VWF: variants seen among roughly 807,000 people sequenced by gnomAD.
VWF encodes the protein Factor VIII related antigen.
In VWF, 176 loss-of-function variants were observed where a neutral mutation model predicts 308.6. The ratio of observed to expected loss-of-function variants is 0.57; its 90% CI spans 0.50 to 0.65. The LOEUF (loss-of-function observed/expected upper bound fraction) is 0.65, where lower values mean the gene tolerates loss of function less well. VWF is among the 30% of genes least tolerant of loss of function. The pLI, the probability that VWF is intolerant of heterozygous loss-of-function variation, is 0.00. For synonymous variants in VWF, 1,385 were observed against 1,443.4 expected (o/e 0.96, Z 0.92); for missense variants, 3,146 against 3,648.2 (o/e 0.86, Z 3.55).
rs1944607154 is a variant in VWF, at chr12:6,057,908, C to T, written c.1670G>A (p.Gly557Glu). ...CTGCTTCTGCAGGTCCTGGCAGTCC[C>T]CGTGCAGCTTCCAGGCGTTCCCGAA... The part of the protein sequence containing the change: ...EDFGNAWKLH[G>E]DCQDLQKQHS... The change falls in exon 14 of 52, where the codon GGG becomes GAG. Residue 557 changes from glycine to glutamate, a missense_variant. By Grantham distance (98) the Gly-to-Glu change is moderately conservative. Transcript: ENST00000261405. 1 of 1,613,146 alleles carries T rather than the reference C, an allele frequency of 6.2e-7. No homozygotes were observed. Among genetic ancestry groups the T allele is most frequent in the African/African-American group, 1.3e-5 (1 of 74,916 alleles).
chr12:6,007,176 A>AG (rs1491122462), intron 34 of VWF, among the ~76,000 whole-genome samples: 2 of 152,206 alleles, frequency 1.3e-5, no homozygotes, highest in East Asian at 3.8e-4. Context: ...AAATCCAGAT[A>AG]GAAGATCAAT....
At chr12:5,991,208 C>CAT (rs1329245027) in intron 38 of VWF, among the ~76,000 whole-genome samples, 1 of 66,426 alleles carries the variant, frequency 1.5e-5, no homozygotes, top group African/African-American at 4.1e-5. Flanking sequence ...CACACACACG[C>CAT]ATGCACACAC....
chr12:6,075,626 G>A lies in VWF; in HGVS notation c.658-75C>T. 6.5e-7 allele frequency: 1 copy of A among 1,527,134 alleles called. No individual in the cohort carries two copies. 94.6% of individuals were successfully genotyped at this position (1,527,134 alleles called of 1,614,324 possible). Reference sequence around the variant, plus strand: ...GAGTGTGGCACTGAGACTTAGCCCTGCTAGGGAAACCAAGGCAGCTCCCTC... The same window carrying A: ...GAGTGTGGCACTGAGACTTAGCCCTACTAGGGAAACCAAGGCAGCTCCCTC... On this transcript the variant is annotated intron_variant, in intron 6 of 51. Coordinates refer to ENST00000261405, the MANE Select transcript of VWF (RefSeq NM_000552.5). This position sits in a 1 kb window ranked among gnomAD's most constrained non-coding sequence, Gnocchi z 4.7.
chr12:6,037,833 C>G (rs1483927460), intron 18 of VWF, among the ~76,000 whole-genome samples: 8 of 150,894 alleles, frequency 5.3e-5, no homozygotes, highest in Admixed American at 5.3e-4. Flanking sequence ...TCCCTGGGAA[C>G]AGGGCAATCT....
At chr12:6,062,900 G>T in intron 13 of VWF, 54 bp downstream of exon 13, 1 of 1,437,766 alleles carries the variant, frequency 7.0e-7, no homozygotes, top group Non-Finnish European at 9.7e-7. Flanking sequence ...GAGCACAAGG[G>T]GTACTTTGTA....
chr12:6,056,414 G>C (rs1944579155), intron 15 of VWF, among the ~76,000 whole-genome samples: 1 of 151,732 alleles, frequency 6.6e-6, no homozygotes, highest in South Asian at 2.1e-4. Context: ...TTGTCCATCG[G>C]TGGTTTGCCT....
At chr12:6,090,325 C>T (rs182036114) in intron 6 of VWF, among the ~76,000 whole-genome samples, 11 of 152,134 alleles carry the variant, frequency 7.2e-5, no homozygotes, top group African/African-American at 1.9e-4. Context: ...GTTCACAAAC[C>T]GCTCTAGAAG....
Position 6,106,605 on chromosome 12 carries a change from G to A in VWF, c.532+3769C>T, listed in dbSNP as rs60387660. 1.8e-3 allele frequency among the ~76,000 whole-genome samples: 279 copies of A among 152,196 alleles called. 3 individuals are homozygous for A. The highest frequency in any genetic ancestry group is 6.4e-3 in the African/African-American group (264 of 41,530). ...ATAATAAATTTTGGCCAGGCGCGGT[G>A]GCTCACGCCTGTAATCCCAGCACTT... is the stretch of plus-strand genomic sequence containing the variant. On this transcript the variant is annotated intron_variant, in intron 5 of 51. Transcript: ENST00000261405.
intron 2 of VWF, 169 bp downstream of exon 2, chr12:6,122,973 T>G: frequency 1.2e-6 from 1 of 836,106 alleles, no homozygotes; most frequent in Non-Finnish European, 2.1e-6. Context: ...GTCTCTGGAA[T>G]ACAAGTCAAG....
chr12:6,044,253 C>A lies in VWF; in HGVS notation c.2442+38G>T, dbSNP rs77372340. ...TCACTCATCCCTGCCTACAAGAAAA[C>A]TGAAGGGCAGGCACCAGCTCTGTGC... On this transcript the variant is annotated intron_variant, in intron 18 of 51. Transcript: ENST00000261405. 14,628 of 1,612,512 alleles carry A rather than the reference C, an allele frequency of 9.1e-3. 95 individuals carry two copies. The highest frequency in any genetic ancestry group is 0.015 in the South Asian group (1,397 of 91,028).
chr12:6,087,949 G>C (rs1944991443), intron 6 of VWF, among the ~76,000 whole-genome samples: 1 of 152,140 alleles, frequency 6.6e-6, no homozygotes, highest in African/African-American at 2.4e-5. Context: ...ATCGCCTTGA[G>C]GAGGTGATCC....
intron 34 of VWF, 83 bp from the exon 35 acceptor site, chr12:5,996,305 G>A (rs1813221785): frequency 8.0e-7 from 1 of 1,252,418 alleles, no homozygotes; most frequent in Non-Finnish European, 1.1e-6. Context: ...GTGTGACCAA[G>A]TTGCACACAG....
chr12:6,021,913 G>A lies in VWF; in HGVS notation c.3661C>T (p.His1221Tyr). ...KVTLNPSDPE[H>Y]CQICHCDVVN... The stretch of plus-strand genomic sequence containing the variant: ...AATCTGTTTTACCAAATCTGGCAGT[G>A]CTCAGGGTCACTGGGATTCAAGGTG... The change falls in exon 27 of 52, where the codon CAC becomes TAC. Residue 1221 changes from histidine (H) to tyrosine (Y), a missense_variant. Around this residue, in one of 3 missense-constraint regions of VWF, gnomAD observed 853 missense variants for 1,177.8 expected, o/e 0.72. Coordinates refer to ENST00000261405, the MANE Select transcript of VWF (RefSeq NM_000552.5). 1 of 1,614,180 alleles carries A rather than the reference G, an allele frequency of 6.2e-7. No individual in the cohort carries two copies. Among genetic ancestry groups the A allele is most frequent in the Non-Finnish European group, 8.5e-7 (1 of 1,180,036 alleles).
chr12:6,110,773 C>T (rs2136522559), intron 4 of VWF, 93 bp downstream of exon 4: 1 of 1,435,844 alleles, frequency 7.0e-7, no homozygotes, highest in East Asian at 2.3e-5. Context: ...CATTTGCTTC[C>T]ATTCTCTGGG....
At position 6,016,844 on chromosome 12, in the gene VWF, G is replaced by A. The variant is rs764555265; in HGVS notation, c.5080C>T (p.Leu1694Phe). 1 of 1,614,108 alleles carries A rather than the reference G, an allele frequency of 6.2e-7. No homozygotes were observed. Among genetic ancestry groups the A allele is most frequent in the South Asian group, 1.1e-5 (1 of 91,086 alleles). Residue 1694 changes from leucine (L) to phenylalanine (F), a missense_variant, in exon 29 of 52, where the codon CTT (leucine) becomes TTT (phenylalanine). Physicochemically the swap from Leu to Phe is conservative, Grantham distance 22. Transcript: ENST00000261405. ...PDCSQPLDVILLLDGSSSFPA... is the reference protein window; with the variant it reads ...PDCSQPLDVIFLLDGSSSFPA... ...AAACTGGAGGAGCCATCCAGGAGAAGGATCACGTCCAGGGGCTGGCTGCAG... is the reference window on the plus strand; with the variant it reads ...AAACTGGAGGAGCCATCCAGGAGAAAGATCACGTCCAGGGGCTGGCTGCAG...
intron 34 of VWF, among the ~76,000 whole-genome samples, chr12:6,005,700 G>A (rs1183285139): frequency 6.6e-6 from 1 of 152,204 alleles, no homozygotes; most frequent in Non-Finnish European, 1.5e-5. Flanking sequence ...TTGCAGGCCA[G>A]AAGGGAGATG....
chr12:6,038,294 G>A (rs1016017012), intron 18 of VWF, among the ~76,000 whole-genome samples: 19 of 152,190 alleles, frequency 1.2e-4, no homozygotes, highest in African/African-American at 4.6e-4. Context: ...GGTATCCCAC[G>A]GATGCCTTAC....
At chr12:6,059,292 G>T (rs895600011) in intron 13 of VWF, among the ~76,000 whole-genome samples, 4 of 151,956 alleles carry the variant, frequency 2.6e-5, no homozygotes, top group Non-Finnish European at 5.9e-5. Flanking sequence ...ATCACTTTCC[G>T]ATCTATAATA....
At position 6,075,104 on chromosome 12, in the gene VWF, TG is replaced by T; in HGVS notation, c.874+230del. ...AAGTCAGGGGGCGCCAGGGGAGGCG[TG>T]GGGGCGGGACGGAGGCAGGGGCAGG... is the stretch of plus-strand genomic sequence containing the variant. On this transcript the variant is annotated intron_variant, in intron 7 of 51. Coordinates refer to ENST00000261405, the MANE Select transcript of VWF (RefSeq NM_000552.5). This position sits in a 1 kb window ranked among gnomAD's most constrained non-coding sequence, Gnocchi z 4.7. Among the ~76,000 whole-genome samples, 1 of 10,130 alleles carries T rather than the reference TG, an allele frequency of 9.9e-5. No homozygotes were observed. Among genetic ancestry groups the T allele is most frequent in the African/African-American group, 3.9e-4 (1 of 2,534 alleles). The allele number at this position is 10,130 out of a possible 152,430, so 6.6% of individuals were successfully genotyped here. A position where few individuals can be genotyped will look rare whatever the true frequency, so the allele number is the denominator to read the frequency against.
Sources: gnomAD v4.1 joint callset for allele counts (sites outside exome capture counted in the v4.1 genomes callset) on GRCh38, gnomAD v4.1.1 for gene constraint, gnomAD v4.1.1 regional missense constraint, Gnocchi (gnomAD v3.1) non-coding constraint, MANE v1.5 for transcripts, NCBI Gene and HGNC (gene_info 2026-07-23, HGNC 2026-07-21) for gene names.